The following SYN3 variants were observed in gnomAD, a reference collection of about 807,000 sequenced individuals.
SYN3 encodes synapsin-3.
A neutral mutation model predicts 65.8 loss-of-function variants in SYN3; 35 were observed. That is an observed-to-expected ratio of 0.53 (90% CI 0.41 to 0.70). SYN3 has a LOEUF of 0.70. Ranked by LOEUF, SYN3 falls within the 30% of genes least tolerant of loss-of-function variation. SYN3 has a pLI of 0.00. For missense variants in SYN3, 680 were observed against 749.0 expected (o/e 0.91, Z 1.08); for synonymous variants, 270 against 292.9 (o/e 0.92, Z 0.80).
intron 6 of SYN3, among the ~76,000 whole-genome samples, chr22:32,627,377 G>C (rs2059683073): frequency 6.6e-6 from 1 of 152,118 alleles, no homozygotes; most frequent in South Asian, 2.1e-4. Context: ...TGCAGCTTCT[G>C]TGAGCCCTAA....
At chr22:32,556,816 T>C (rs866491175) in intron 7 of SYN3, among the ~76,000 whole-genome samples, 18 of 122,108 alleles carry the variant, frequency 1.5e-4, no homozygotes, top group Non-Finnish European at 2.5e-4. Context: ...TTTTTTTTTT[T>C]TTTTTTTTTT....
chr22:32,792,275 C>T (rs1569227971), intron 6 of SYN3, among the ~76,000 whole-genome samples: 1 of 152,168 alleles, frequency 6.6e-6, no homozygotes, highest in African/African-American at 2.4e-5. Flanking sequence ...CACAGGCCTT[C>T]GTTGGTTCCT....
Position 32,521,586 on chromosome 22 carries a change from A to C in SYN3, c.1319-3252T>G, listed in dbSNP as rs576482412. Among the ~76,000 whole-genome samples the C allele has an allele frequency of 3.6e-3, 539 of 151,476 alleles. 2 individuals are homozygous for C. The highest frequency in any genetic ancestry group is 0.031 in the Middle Eastern group (9 of 292). ...CTCAGCCTCTCAAATAGCTGGGATT[A>C]CAGGCGTCCGCCACCACGCCCAGCT... On this transcript the variant is annotated intron_variant, in intron 12 of 13. Transcript: ENST00000358763.
intron 6 of SYN3, among the ~76,000 whole-genome samples, chr22:32,849,035 A>C (rs535185952): frequency 1.3e-5 from 2 of 152,352 alleles, no homozygotes; most frequent in South Asian, 4.1e-4. Flanking sequence ...TGAGGTGGTT[A>C]GAAAGGGGTC....
At chr22:32,533,078 G>A (rs992326958) in intron 10 of SYN3, among the ~76,000 whole-genome samples, 54 of 152,082 alleles carry the variant, frequency 3.6e-4, no homozygotes, top group African/African-American at 9.6e-4. Flanking sequence ...AGTGGGATAC[G>A]GGGAAACAGA....
chr22:32,651,984 A>G (rs2060078279), intron 6 of SYN3, among the ~76,000 whole-genome samples: 1 of 152,180 alleles, frequency 6.6e-6, no homozygotes, highest in Admixed American at 6.5e-5. Context: ...GCAACAAAGA[A>G]TTAGCCTATC....
intron 6 of SYN3, among the ~76,000 whole-genome samples, chr22:32,665,143 A>G (rs2060273360): frequency 6.6e-6 from 1 of 151,684 alleles, no homozygotes; most frequent in African/African-American, 2.4e-5. Context: ...GACTACAGGC[A>G]TGTTCCACCA....
At chr22:32,975,476 G>A (rs944112328) in intron 3 of SYN3, among the ~76,000 whole-genome samples, 1 of 151,170 alleles carries the variant, frequency 6.6e-6, no homozygotes, top group Non-Finnish European at 1.5e-5. Context: ...TTTAGTTTTT[G>A]CAGAGACAGA....
chr22:32,920,196 T>C (rs2050300404), intron 4 of SYN3, among the ~76,000 whole-genome samples: 2 of 152,250 alleles, frequency 1.3e-5, no homozygotes, highest in African/African-American at 2.4e-5. Context: ...TGCCTAATGC[T>C]GGAAACTGAG....
At chr22:32,608,771 T>G (rs1487424185) in intron 6 of SYN3, among the ~76,000 whole-genome samples, 1 of 152,194 alleles carries the variant, frequency 6.6e-6, no homozygotes, top group African/African-American at 2.4e-5. Context: ...TAAATGGGAA[T>G]AAGCACACCC....
intron 4 of SYN3, among the ~76,000 whole-genome samples, chr22:32,926,063 G>C (rs946240271): frequency 6.6e-6 from 1 of 152,048 alleles, no homozygotes; most frequent in Non-Finnish European, 1.5e-5. Context: ...TATTGCCCAG[G>C]CTTGTCTCAA....
At chr22:32,546,524 G>A (rs1272390097) in intron 7 of SYN3, among the ~76,000 whole-genome samples, 1 of 152,138 alleles carries the variant, frequency 6.6e-6, no homozygotes, top group African/African-American at 2.4e-5. Context: ...GCGAAGAGGG[G>A]AGGTGGTCTG....
intron 6 of SYN3, among the ~76,000 whole-genome samples, chr22:32,776,987 C>T (rs951366103): frequency 3.3e-5 from 5 of 152,144 alleles, no homozygotes; most frequent in African/African-American, 9.7e-5. Context: ...ACAATGCTGA[C>T]CTCACAGCAT....
At chr22:32,698,439 A>C (rs1171515330) in intron 6 of SYN3, among the ~76,000 whole-genome samples, 5 of 152,124 alleles carry the variant, frequency 3.3e-5, no homozygotes, top group Non-Finnish European at 4.4e-5. Context: ...TCTCCCATAA[A>C]ATCTCTTACC....
intron 6 of SYN3, among the ~76,000 whole-genome samples, chr22:32,649,246 G>A (rs1285525762): frequency 6.6e-6 from 1 of 152,204 alleles, no homozygotes; most frequent in Admixed American, 6.5e-5. Context: ...AGTTAGCCAT[G>A]TCCTGGCTAG....
At chr22:32,703,530 G>T (rs1344314434) in intron 6 of SYN3, among the ~76,000 whole-genome samples, 2 of 151,904 alleles carry the variant, frequency 1.3e-5, no homozygotes, top group African/African-American at 4.8e-5. Flanking sequence ...TCAGCTACTC[G>T]GGAGGCTGAG....
At chr22:32,872,935 A>ATT (rs1569293419) in intron 4 of SYN3, among the ~76,000 whole-genome samples, 1 of 110,618 alleles carries the variant, frequency 9.0e-6, no homozygotes, top group African/African-American at 3.5e-5. Context: ...TGCCCTAAGC[A>ATT]CTTTTTTTTT....
At chr22:32,656,712 TG>T (rs1446026452) in intron 6 of SYN3, among the ~76,000 whole-genome samples, 34 of 152,316 alleles carry the variant, frequency 2.2e-4, no homozygotes, top group African/African-American at 7.0e-4. Flanking sequence ...GTTGTTGTTT[TG>T]TTTTTTTGTT....
chr22:32,988,119 C>A (rs1041520746), intron 2 of SYN3, among the ~76,000 whole-genome samples: 2 of 151,676 alleles, frequency 1.3e-5, no homozygotes, highest in Non-Finnish European at 2.9e-5. Context: ...CCATCCTGGC[C>A]AACATGGTGA....
Sources: allele counts gnomAD v4.1 joint callset (sites outside exome capture counted in the v4.1 genomes callset), GRCh38; gene constraint gnomAD v4.1.1; transcripts MANE v1.5; gene names NCBI Gene and HGNC (gene_info 2026-07-23, HGNC 2026-07-21).